Variants in NTN4 observed in about 807,000 individuals in gnomAD.
NTN4 encodes netrin 4.
In NTN4, 32 loss-of-function variants were observed where a neutral mutation model predicts 73.6. The observed-to-expected ratio is 0.44, with a 90% CI of 0.33 to 0.58. The LOEUF (loss-of-function observed/expected upper bound fraction) is 0.58, where lower values mean the gene tolerates loss of function less well. Ranked by LOEUF, NTN4 falls within the 20% of genes least tolerant of loss-of-function variation. The probability of loss-of-function intolerance (pLI) is 0.04; values close to 1 mark genes in which losing one functional copy is unlikely to be tolerated. For missense variants in NTN4, 654 were observed against 798.3 expected (o/e 0.82, Z 2.18); for synonymous variants, 258 against 287.5 (o/e 0.90, Z 1.04).
intron 2 of NTN4, among the ~76,000 whole-genome samples, chr12:95,761,357 C>T (rs914365073): frequency 1.4e-5 from 2 of 141,150 alleles, no homozygotes; most frequent in Non-Finnish European, 3.0e-5. Flanking sequence ...GACGGAGTCT[C>T]GCTCTGTCTC....
At chr12:95,725,401 A>G (rs1002890721) in intron 3 of NTN4, among the ~76,000 whole-genome samples, 1 of 152,148 alleles carries the variant, frequency 6.6e-6, no homozygotes, top group African/African-American at 2.4e-5. Context: ...ATTATTAAGT[A>G]CTTTTCACCC....
At chr12:95,758,871 T>C (rs566827996) in intron 2 of NTN4, among the ~76,000 whole-genome samples, 2 of 152,352 alleles carry the variant, frequency 1.3e-5, no homozygotes, top group South Asian at 2.1e-4. Flanking sequence ...TTAATTTCTA[T>C]GATGTTCAGT....
chr12:95,772,848 T>C (rs1320140059), intron 2 of NTN4, among the ~76,000 whole-genome samples: 1 of 152,184 alleles, frequency 6.6e-6, no homozygotes, highest in Non-Finnish European at 1.5e-5. Context: ...ATTATTGCAA[T>C]AGGATTCTAA....
chr12:95,731,181 G>T (rs901750065), intron 3 of NTN4, among the ~76,000 whole-genome samples: 2 of 152,194 alleles, frequency 1.3e-5, no homozygotes, highest in Non-Finnish European at 2.9e-5. Flanking sequence ...AGAGGACTTG[G>T]ATAGTTTACC....
At chr12:95,666,890 G>A (rs2120926846) in intron 8 of NTN4, among the ~76,000 whole-genome samples, 1 of 152,300 alleles carries the variant, frequency 6.6e-6, no homozygotes, top group African/African-American at 2.4e-5. Flanking sequence ...GGCCACACTG[G>A]ACCACACATA....
chr12:95,705,026 G>A (rs1214219508), intron 5 of NTN4, among the ~76,000 whole-genome samples: 2 of 152,202 alleles, frequency 1.3e-5, no homozygotes, highest in Non-Finnish European at 2.9e-5. Flanking sequence ...TTACTAATAT[G>A]ACTTAGTAGT....
At chr12:95,675,091 T>C (rs2078263253) in intron 7 of NTN4, among the ~76,000 whole-genome samples, 1 of 152,210 alleles carries the variant, frequency 6.6e-6, no homozygotes, top group African/African-American at 2.4e-5. Context: ...ATCATAAAAT[T>C]CCAGACTACA....
At chr12:95,680,852 T>C (rs1000559708) in intron 7 of NTN4, among the ~76,000 whole-genome samples, 2 of 152,130 alleles carry the variant, frequency 1.3e-5, no homozygotes, top group African/African-American at 4.8e-5. Flanking sequence ...TAGCTGGTAC[T>C]ACAGGTGCAC....
chr12:95,665,671 G>C (rs1359483984), intron 9 of NTN4, 139 bp downstream of exon 9: 3 of 577,440 alleles, frequency 5.2e-6, no homozygotes, highest in Non-Finnish European at 8.9e-6. Flanking sequence ...ATTCCATTTG[G>C]ATTTTCCGCA....
At chr12:95,682,855 C>A (rs376341871) in intron 6 of NTN4, 33 bp from the exon 7 acceptor site, 1 of 1,357,124 alleles carries the variant, frequency 7.4e-7, no homozygotes, top group South Asian at 1.2e-5. Context: ...AGAACGTATT[C>A]AGGAATTTTT....
chr12:95,671,396 G>A (rs764722242), intron 7 of NTN4, among the ~76,000 whole-genome samples: 12 of 152,138 alleles, frequency 7.9e-5, no homozygotes, highest in Non-Finnish European at 1.8e-4. Context: ...AGCAGGAGGT[G>A]AGCAGCTTGA....
intron 3 of NTN4, among the ~76,000 whole-genome samples, chr12:95,725,593 T>G (rs767811868): frequency 2.6e-5 from 4 of 152,178 alleles, no homozygotes; most frequent in Non-Finnish European, 5.9e-5. Flanking sequence ...CTCAGTATTC[T>G]ATACAGGGCA....
In NTN4 at chr12:95,790,310, G is replaced by GGCCGGGAGGA. The variant is rs538069491; in HGVS notation, c.-11_-2dup. On this transcript the variant is annotated 5_prime_UTR_variant, in exon 1 of 10. Transcript: ENST00000343702. This position sits in a 1 kb window ranked among gnomAD's most constrained non-coding sequence, Gnocchi z 6.5. The stretch of plus-strand genomic sequence containing the variant: ...GCAGCAGCCGCGCGCAGCTCCCCAT[G>GGCCGGGAGGA]GCCGGGAGGAGCCGGGAGCAGCCGG... The GGCCGGGAGGA allele has an allele frequency of 1.1e-3, 1,677 of 1,529,916 alleles. 12 individuals carry two copies. In the African/African-American group the frequency reaches 0.02, roughly 18 times the overall value. The allele number at this position is 1,529,916 out of a possible 1,614,324, so 94.8% of individuals were successfully genotyped here.
chr12:95,775,876 CTGCCTCCTGAG>C (rs1053368889), intron 2 of NTN4, among the ~76,000 whole-genome samples: 10 of 152,348 alleles, frequency 6.6e-5, no homozygotes, highest in African/African-American at 2.4e-4. Context: ...AATGGACAGC[CTGCCTCCTGAG>C]TAGCCTAACT....
At chr12:95,681,572 A>G (rs2078316364) in intron 7 of NTN4, among the ~76,000 whole-genome samples, 1 of 152,234 alleles carries the variant, frequency 6.6e-6, no homozygotes, top group African/African-American at 2.4e-5. Context: ...TGTTGACGCA[A>G]TATTTCATGC....
At chr12:95,720,665 T>G (rs118018503) in intron 3 of NTN4, among the ~76,000 whole-genome samples, 125 of 152,316 alleles carry the variant, frequency 8.2e-4, no homozygotes, top group Non-Finnish European at 1.5e-3. Flanking sequence ...CGAGATAATT[T>G]CACTTGTCAC....
intron 3 of NTN4, among the ~76,000 whole-genome samples, chr12:95,735,239 CTTCTTTT>C (rs1592693697): frequency 1.8e-5 from 2 of 110,534 alleles, no homozygotes; most frequent in African/African-American, 2.6e-5. Context: ...GTTCTTTTTT[CTTCTTTT>C]TTCTTTTTTC....
Position 95,781,663 on chromosome 12 carries a change from T to C in NTN4, c.585+5276A>G, listed in dbSNP as rs1411094387. 6.6e-6 allele frequency among the ~76,000 whole-genome samples: 1 copy of C among 152,212 alleles called. No individual in the cohort carries two copies. Among genetic ancestry groups the C allele is most frequent in the Non-Finnish European group, 1.5e-5 (1 of 68,034 alleles). On this transcript the variant is annotated intron_variant, in intron 2 of 9. Transcript: ENST00000343702. This position sits in a 1 kb window ranked among gnomAD's most constrained non-coding sequence, Gnocchi z 4.1. The stretch of plus-strand genomic sequence containing the variant: ...TTGATTCTCTCATCTTACCATGTCA[T>C]TTCTATTTCTCCATTTGTTTATGTT...
chr12:95,733,830 A>G (rs1462780029), intron 3 of NTN4, among the ~76,000 whole-genome samples: 3 of 152,016 alleles, frequency 2.0e-5, no homozygotes, highest in East Asian at 1.9e-4. Flanking sequence ...AGCACTTTGG[A>G]AGGCCGAGGC....
Sources: allele counts gnomAD v4.1 joint callset (sites outside exome capture counted in the v4.1 genomes callset), GRCh38; gene constraint gnomAD v4.1.1; non-coding constraint Gnocchi (gnomAD v3.1); transcripts MANE v1.5; gene names NCBI Gene and HGNC (gene_info 2026-07-23, HGNC 2026-07-21).